SPAG9: variants seen among roughly 807,000 people sequenced by gnomAD.
SPAG9 encodes sperm associated antigen 9, also known as C-Jun-amino-terminal kinase-interacting protein 4.
A neutral mutation model predicts 166.5 loss-of-function variants in SPAG9; 35 were observed. The observed-to-expected ratio is 0.21, with a 90% CI of 0.16 to 0.28. The LOEUF (loss-of-function observed/expected upper bound fraction) is 0.28. Among genes scored for constraint, SPAG9 ranks in the 10% least tolerant of loss-of-function variants. SPAG9 has a pLI of 1.00. For synonymous variants in SPAG9, 534 were observed against 565.5 expected (o/e 0.94, Z 0.79); for missense variants, 1,235 against 1,603.3 (o/e 0.77, Z 3.92).
chr17:51,063,267 C>A (rs2047567677), intron 2 of SPAG9, among the ~76,000 whole-genome samples: 1 of 151,654 alleles, frequency 6.6e-6, no homozygotes, highest in South Asian at 2.1e-4. Flanking sequence ...AAAAATTTAG[C>A]TGGGCGTGGT....
chr17:51,052,971 AT>A (rs1228552187), intron 3 of SPAG9, among the ~76,000 whole-genome samples: 1 of 152,026 alleles, frequency 6.6e-6, no homozygotes, highest in Non-Finnish European at 1.5e-5. Flanking sequence ...AGGTGGGAGA[AT>A]TACTTGAACC....
chr17:50,995,263 A>G lies in SPAG9; in HGVS notation c.2059-39T>C, dbSNP rs534931078. 159 of 1,573,474 alleles carry G rather than the reference A, an allele frequency of 1.0e-4. No homozygotes were observed. The South Asian group carries it at 1.6e-3, about 16-fold the overall frequency. ...AAAGAAAACAATATTAAGTCTAGAAATGTTTAGCATTTTCATGTTTTCTTA... is the reference window on the plus strand; with the variant it reads ...AAAGAAAACAATATTAAGTCTAGAAGTGTTTAGCATTTTCATGTTTTCTTA... On this transcript the variant is annotated intron_variant, in intron 17 of 29. Transcript: ENST00000262013.
intron 1 of SPAG9, among the ~76,000 whole-genome samples, chr17:51,082,735 A>C (rs1320944637): frequency 6.6e-6 from 1 of 152,248 alleles, no homozygotes; most frequent in Non-Finnish European, 1.5e-5. Context: ...TCCTAGTTTT[A>C]ACATGAAATT....
Position 51,001,502 on chromosome 17 carries a change from G to A in SPAG9, c.1607+213C>T, listed in dbSNP as rs547898629. Among the ~76,000 whole-genome samples, 29 of 152,148 alleles carry A rather than the reference G, an allele frequency of 1.9e-4. 1 individual carries two copies. In the East Asian group the frequency reaches 3.9e-3, roughly 20 times the overall value. On this transcript the variant is annotated intron_variant, in intron 13 of 29. Transcript: ENST00000262013. ...TAATAATAATTGCCTTTTAGAGGTC[G>A]TAGTAACATCCTCCAAGATCCCTTA... is the stretch of plus-strand genomic sequence containing the variant.
intron 1 of SPAG9, among the ~76,000 whole-genome samples, chr17:51,081,373 C>A (rs1398214656): frequency 1.3e-5 from 2 of 152,030 alleles, no homozygotes; most frequent in African/African-American, 2.4e-5. Flanking sequence ...ATCGCTTGAA[C>A]CCAGGAGACG....
intron 2 of SPAG9, among the ~76,000 whole-genome samples, chr17:51,062,017 T>G (rs776663528): frequency 1.4e-4 from 22 of 152,216 alleles, no homozygotes; most frequent in Non-Finnish European, 2.4e-4. Flanking sequence ...ATATCTATAT[T>G]TTTTTATTTA....
chr17:51,098,167 T>G (rs888390860), intron 1 of SPAG9, among the ~76,000 whole-genome samples: 4 of 141,022 alleles, frequency 2.8e-5, no homozygotes, highest in Admixed American at 7.1e-5. Flanking sequence ...GTTATGTGTG[T>G]TTTTTTTTTC....
intron 29 of SPAG9, among the ~76,000 whole-genome samples, chr17:50,968,079 T>C: frequency 6.6e-6 from 1 of 151,926 alleles, no homozygotes; most frequent in East Asian, 1.9e-4. Flanking sequence ...CCAAGTGGAG[T>C]CCCTAACAAC....
intron 16 of SPAG9, 149 bp downstream of exon 16, chr17:50,996,416 A>G: frequency 1.2e-6 from 1 of 844,282 alleles, no homozygotes; most frequent in South Asian, 1.8e-5. Context: ...CAGCCTGAAA[A>G]CCACCACCCT....
chr17:51,010,095 A>G (rs2045403503), intron 9 of SPAG9, among the ~76,000 whole-genome samples: 2 of 152,000 alleles, frequency 1.3e-5, no homozygotes, highest in South Asian at 4.1e-4. Flanking sequence ...TTTTAAAATC[A>G]CAGAAGTTTC....
At chr17:51,067,485 C>T (rs1001020312) in intron 2 of SPAG9, among the ~76,000 whole-genome samples, 7 of 152,188 alleles carry the variant, frequency 4.6e-5, no homozygotes, top group African/African-American at 1.7e-4. Flanking sequence ...TATATTGTTG[C>T]ATTCCATTTG....
At chr17:50,991,987 G>A (rs977913021) in intron 19 of SPAG9, among the ~76,000 whole-genome samples, 4 of 143,968 alleles carry the variant, frequency 2.8e-5, no homozygotes, top group Admixed American at 1.4e-4. Context: ...GCCCAGGTGG[G>A]TGTGTAGTGG....
intron 29 of SPAG9, among the ~76,000 whole-genome samples, chr17:50,969,664 T>A (rs968114845): frequency 2.6e-5 from 4 of 152,220 alleles, no homozygotes; most frequent in African/African-American, 9.7e-5. Context: ...CTTGTCATTT[T>A]AAAATAGTTT....
At chr17:50,987,034 A>G in intron 22 of SPAG9, 78 bp downstream of exon 22, 1 of 1,373,080 alleles carries the variant, frequency 7.3e-7, no homozygotes, top group Non-Finnish European at 1.0e-6. Flanking sequence ...GTATTTGTTT[A>G]CCATATTTTA....
intron 1 of SPAG9, among the ~76,000 whole-genome samples, chr17:51,089,547 T>C (rs2048392213): frequency 7.0e-6 from 1 of 143,416 alleles, no homozygotes; most frequent in Admixed American, 7.3e-5. Flanking sequence ...AATATTGAAA[T>C]AAAATTATAT....
chr17:50,989,518 A>T, intron 21 of SPAG9, 159 bp downstream of exon 21: 2 of 703,662 alleles, frequency 2.8e-6, no homozygotes, highest in Non-Finnish European at 5.1e-6. Context: ...AGCGAGAATG[A>T]TGGAGCGGGA....
intron 19 of SPAG9, among the ~76,000 whole-genome samples, chr17:50,992,894 G>A (rs1168304348): frequency 3.3e-5 from 5 of 151,644 alleles, no homozygotes; most frequent in Non-Finnish European, 5.9e-5. Context: ...CTAGGAGTTC[G>A]AGACCAACCT....
At chr17:51,078,209 G>T (rs565583187) in intron 2 of SPAG9, among the ~76,000 whole-genome samples, 2 of 152,224 alleles carry the variant, frequency 1.3e-5, no homozygotes, top group African/African-American at 4.8e-5. Flanking sequence ...CATGACACAC[G>T]GCTCATTTTC....
intron 20 of SPAG9, chr17:50,990,212 T>C (rs2143819095): frequency 3.8e-6 from 2 of 528,928 alleles, no homozygotes; most frequent in Middle Eastern, 5.2e-4. Context: ...TACTTTTTAG[T>C]ACAGACAGGG....
Sources: gnomAD v4.1 joint callset for allele counts (sites outside exome capture counted in the v4.1 genomes callset) on GRCh38, gnomAD v4.1.1 for gene constraint, MANE v1.5 for transcripts, NCBI Gene and HGNC (gene_info 2026-07-23, HGNC 2026-07-21) for gene names.